The following THAP6 variants were observed in gnomAD, a reference collection of about 807,000 sequenced individuals.
The protein encoded by THAP6 is THAP domain containing 6.
THAP6 carries 13 observed loss-of-function variants against 20.0 expected under a neutral mutation model. The ratio of observed to expected loss-of-function variants is 0.65; its 90% CI spans 0.42 to 1.03. The LOEUF (loss-of-function observed/expected upper bound fraction) is 1.03, where lower values mean the gene tolerates loss of function less well. Ranked by LOEUF, THAP6 falls within the 50% of genes least tolerant of loss-of-function variation. The pLI, the probability that THAP6 is intolerant of heterozygous loss-of-function variation, is 0.00. For missense variants in THAP6, 262 were observed against 261.6 expected (o/e 1.00, Z -0.01); for synonymous variants, 93 against 92.2 (o/e 1.01, Z -0.05).
chr4:75,541,969 A>G (rs1480790399), intron 2 of THAP6, among the ~76,000 whole-genome samples: 1 of 152,138 alleles, frequency 6.6e-6, no homozygotes, highest in Non-Finnish European at 1.5e-5. Context: ...AAAAAAAAAA[A>G]AGAAAATCAA....
chr4:75,527,736 G>A lies in THAP6; in HGVS notation c.*522G>A. 1 of 988,834 alleles carries A rather than the reference G, an allele frequency of 1.0e-6. No homozygotes were observed. Among genetic ancestry groups the A allele is most frequent in the Non-Finnish European group, 1.2e-6 (1 of 832,038 alleles). The allele number at this position is 988,834 out of a possible 1,614,324, so 61.3% of individuals were successfully genotyped here. A position where few individuals can be genotyped will look rare whatever the true frequency, so the allele number is the denominator to read the frequency against. On this transcript the variant is annotated 3_prime_UTR_variant, in exon 5 of 5. Coordinates refer to ENST00000311638, the MANE Select transcript of THAP6 (RefSeq NM_144721.6). ...AGGATCTTTTTACAAGGCTTCCTGT[G>A]GTATTGACTCTGAGAATAACACATA...
At chr4:75,519,578 G>A (rs1332009289) in intron 3 of THAP6, among the ~76,000 whole-genome samples, 1 of 151,304 alleles carries the variant, frequency 6.6e-6, no homozygotes, top group Non-Finnish European at 1.5e-5. Context: ...AATACGCGGT[G>A]TTTGGTTTTT....
At chr4:75,525,442 C>T (rs1726305016) in intron 4 of THAP6, among the ~76,000 whole-genome samples, 1 of 152,146 alleles carries the variant, frequency 6.6e-6, no homozygotes, top group Non-Finnish European at 1.5e-5. Context: ...TTTTTTACCT[C>T]ACACATCAGT....
At chr4:75,526,921 T>C (rs1726407740) in intron 4 of THAP6, 39 bp from the exon 5 acceptor site, 1 of 1,600,014 alleles carries the variant, frequency 6.2e-7, no homozygotes, top group Non-Finnish European at 8.5e-7. Context: ...TCCAACTACA[T>C]ATCTGTCTGA....
At chr4:75,525,690 C>G (rs1726320069) in intron 4 of THAP6, among the ~76,000 whole-genome samples, 2 of 152,136 alleles carry the variant, frequency 1.3e-5, no homozygotes, top group Admixed American at 6.5e-5. Context: ...TTGCCAGATG[C>G]TAGATATTTT....
At position 75,516,844 on chromosome 4, in the gene THAP6, C is replaced by T; in HGVS notation, c.153C>T (p.Gly51=). The T allele has an allele frequency of 6.2e-7, 1 of 1,613,944 alleles. No individual in the cohort carries two copies. Among genetic ancestry groups the T allele is most frequent in the Non-Finnish European group, 8.5e-7 (1 of 1,179,984 alleles). ...AAAGACTTGATGTGAATGCAGCCGG[C>T]ATTTGGGAGCCTAAAAAAGGAGATG... The part of the protein sequence containing the change: ...AMKRLDVNAA[G]IWEPKKGDVL... The change falls in exon 3 of 5, where the codon GGC becomes GGT. Residue 51 remains glycine (G), a synonymous_variant. Transcript: ENST00000311638.
intron 3 of THAP6, among the ~76,000 whole-genome samples, 190 bp from the exon 4 acceptor site, chr4:75,521,546 C>G (rs1293759762): frequency 6.6e-6 from 1 of 151,892 alleles, no homozygotes; most frequent in African/African-American, 2.4e-5. Flanking sequence ...TTTGTGTTTT[C>G]AGATAACCTT....
chr4:75,526,921 T>TA (rs1454353980), intron 4 of THAP6, 39 bp from the exon 5 acceptor site: 1 of 1,600,014 alleles, frequency 6.2e-7, no homozygotes, highest in Admixed American at 1.7e-5. Flanking sequence ...TCCAACTACA[T>TA]ATCTGTCTGA....
At chr4:75,536,523 T>G (rs999886747) in intron 2 of THAP6, among the ~76,000 whole-genome samples, 5 of 152,126 alleles carry the variant, frequency 3.3e-5, no homozygotes, top group African/African-American at 1.2e-4. Context: ...CATTTTTAAT[T>G]TATTTTATTT....
downstream of THAP6, among the ~76,000 whole-genome samples, chr4:75,534,351 C>G (rs1337448156): frequency 6.6e-6 from 1 of 152,182 alleles, no homozygotes. Flanking sequence ...GGAAAACTGG[C>G]TAGTCATATG....
Position 75,546,329 on chromosome 4 carries a change from C to T in THAP6, c.244-3276C>T, listed in dbSNP as rs1727126587. Among the ~76,000 whole-genome samples, 2 of 152,200 alleles carry T rather than the reference C, an allele frequency of 1.3e-5. 1 individual carries two copies. The highest frequency in any genetic ancestry group is 4.1e-4 in the South Asian group (2 of 4,834). ...GAGGGATTGCTCTCTTCACCAGCAC[C>T]TTTCTGAAGTGTCTGTGTTAGAGGC... is the stretch of plus-strand genomic sequence containing the variant. On this transcript the variant is annotated intron_variant, in intron 3 of 4. Coordinates refer to the THAP6 transcript ENST00000502620.
rs370307359 is a variant in THAP6 at position 75,516,879 on chromosome 4, C to G, written c.188C>G (p.Ser63Trp). 3 of 1,613,842 alleles carry G rather than the reference C, an allele frequency of 1.9e-6. No homozygotes were observed. The highest frequency in any genetic ancestry group is 2.5e-6 in the Non-Finnish European group (3 of 1,179,998). The change falls in exon 3 of 5, where the codon TCG becomes TGG. Residue 63 changes from serine (S) to tryptophan (W), a missense_variant. Physicochemically the swap from Ser to Trp is radical, Grantham distance 177. Transcript: ENST00000311638. ...WEPKKGDVLC[S>W]RHFKKTDFDR... The stretch of plus-strand genomic sequence containing the variant: ...CCTAAAAAAGGAGATGTGTTGTGTT[C>G]GAGGCACTTTAAGAAGACAGATTTT...
chr4:75,542,851 A>G (rs1054980389), intron 3 of THAP6: 1 of 175,362 alleles, frequency 5.7e-6, no homozygotes, highest in African/African-American at 2.4e-5. Context: ...TGGAAGCTCC[A>G]GTTGGGGCAT....
intron 2 of THAP6, among the ~76,000 whole-genome samples, chr4:75,538,305 T>C (rs1002355828): frequency 1.3e-5 from 2 of 151,956 alleles, no homozygotes; most frequent in East Asian, 3.9e-4. Flanking sequence ...ATGACCCAGA[T>C]TGTAGGATTT....
downstream of THAP6, among the ~76,000 whole-genome samples, chr4:75,531,439 T>C (rs1726676929): frequency 6.6e-6 from 1 of 152,224 alleles, no homozygotes; most frequent in Non-Finnish European, 1.5e-5. Flanking sequence ...TTCTTCTTTG[T>C]ATCCTTTTGC....
chr4:75,524,162 C>T (rs1726220245), intron 4 of THAP6, among the ~76,000 whole-genome samples: 1 of 152,186 alleles, frequency 6.6e-6, no homozygotes, highest in Non-Finnish European at 1.5e-5. Flanking sequence ...TAACTTATCA[C>T]AGGCTATGTT....
At chr4:75,521,610 T>G in intron 3 of THAP6, 126 bp from the exon 4 acceptor site, 1 of 1,087,994 alleles carries the variant, frequency 9.2e-7, no homozygotes, top group Non-Finnish European at 1.3e-6. Flanking sequence ...TTTGCTGACT[T>G]TTAAAAGCAA....
intron 2 of THAP6, among the ~76,000 whole-genome samples, chr4:75,516,370 G>T (rs1423709352): frequency 6.6e-6 from 1 of 152,240 alleles, no homozygotes; most frequent in African/African-American, 2.4e-5. Context: ...GCTGACAGAA[G>T]AATGGAATTA....
At chr4:75,513,918 G>C (rs1725239427), upstream of THAP6, 1 of 285,560 alleles carries the variant, frequency 3.5e-6, no homozygotes, top group Admixed American at 4.8e-5. Flanking sequence ...AGTCTACTTC[G>C]GCAGCAAAAG....
Sources: gnomAD v4.1 joint callset for allele counts (sites outside exome capture counted in the v4.1 genomes callset) on GRCh38, gnomAD v4.1.1 for gene constraint, MANE v1.5 for transcripts, NCBI Gene and HGNC (gene_info 2026-07-23, HGNC 2026-07-21) for gene names.